WDFY3: variants seen among roughly 807,000 people sequenced by gnomAD.
The protein encoded by WDFY3 is WD repeat and FYVE domain containing 3.
WDFY3 carries 66 observed loss-of-function variants against 409.6 expected under a neutral mutation model. The ratio of observed to expected loss-of-function variants is 0.16; its 90% CI spans 0.13 to 0.20. WDFY3 has a LOEUF of 0.20. WDFY3 is among the 10% of genes least tolerant of loss of function. The probability of loss-of-function intolerance (pLI) is 1.00; values close to 1 mark genes in which losing one functional copy is unlikely to be tolerated. For missense variants in WDFY3, 3,031 were observed against 4,298.1 expected (o/e 0.71, Z 8.24); for synonymous variants, 1,521 against 1,537.1 (o/e 0.99, Z 0.25).
intron 36 of WDFY3, among the ~76,000 whole-genome samples, chr4:84,744,989 A>T (rs1167406428): frequency 1.3e-5 from 2 of 152,184 alleles, no homozygotes; most frequent in Non-Finnish European, 2.9e-5. Context: ...GACGGTGAAC[A>T]ACCCTATATA....
intron 27 of WDFY3, among the ~76,000 whole-genome samples, chr4:84,777,905 C>T (rs751705953): frequency 3.3e-5 from 5 of 152,064 alleles, no homozygotes; most frequent in Non-Finnish European, 7.4e-5. Flanking sequence ...TAAGTGATCA[C>T]GAGTTGCCTT....
At chr4:84,746,710 G>C (rs570778139) in intron 36 of WDFY3, among the ~76,000 whole-genome samples, 10 of 152,174 alleles carry the variant, frequency 6.6e-5, no homozygotes, top group South Asian at 2.1e-4. Context: ...TATTGTCTCG[G>C]AGGTGTTCTT....
At chr4:84,825,104 C>T (rs1754662864) in intron 10 of WDFY3, among the ~76,000 whole-genome samples, 1 of 152,062 alleles carries the variant, frequency 6.6e-6, no homozygotes, top group Admixed American at 6.6e-5. Context: ...ATTATTATCC[C>T]TGTTATGAAT....
rs61351182 is a variant in WDFY3, at chr4:84,880,674, C to CATATATATAT, written c.-32+16227_-32+16236dup. ...AGTGTTTGTCAATAAGGGAACCATA[C>CATATATATAT]ATATATATATATATATATATATATA... is the stretch of plus-strand genomic sequence containing the variant. On this transcript the variant is annotated intron_variant, in intron 3 of 67. Coordinates refer to ENST00000295888, the MANE Select transcript of WDFY3 (RefSeq NM_014991.6). 3.7e-3 allele frequency among the ~76,000 whole-genome samples: 184 copies of CATATATATAT among 50,320 alleles called. 1 individual carries two copies. Among genetic ancestry groups the CATATATATAT allele is most frequent in the Middle Eastern group, 0.013 (1 of 80 alleles). 33.0% of individuals were successfully genotyped at this position (50,320 alleles called of 152,430 possible).
At chr4:84,940,469 A>T (rs1336836146) in intron 1 of WDFY3, among the ~76,000 whole-genome samples, 1 of 152,128 alleles carries the variant, frequency 6.6e-6, no homozygotes, top group East Asian at 1.9e-4. Flanking sequence ...ATATTTTTTA[A>T]AAAAAGGTTT....
At chr4:84,805,145 A>G (rs1751305313) in intron 15 of WDFY3, among the ~76,000 whole-genome samples, 1 of 152,206 alleles carries the variant, frequency 6.6e-6, no homozygotes, top group South Asian at 2.1e-4. Flanking sequence ...GGCTACTTGT[A>G]TAAGATGTAT....
intron 32 of WDFY3, among the ~76,000 whole-genome samples, chr4:84,758,800 T>C (rs1338307828): frequency 6.6e-6 from 1 of 152,180 alleles, no homozygotes; most frequent in Non-Finnish European, 1.5e-5. Context: ...GAGGCAGAAA[T>C]TACTATTATC....
At chr4:84,947,830 G>A (rs555398024) in intron 1 of WDFY3, among the ~76,000 whole-genome samples, 209 of 151,840 alleles carry the variant, frequency 1.4e-3, no homozygotes, top group African/African-American at 4.7e-3. Flanking sequence ...AGGCTGTAGT[G>A]AGTCATAATC....
chr4:84,735,422 A>T (rs1737278823), intron 42 of WDFY3, among the ~76,000 whole-genome samples: 1 of 152,112 alleles, frequency 6.6e-6, no homozygotes, highest in African/African-American at 2.4e-5. Flanking sequence ...ACATCCAACG[A>T]TCTAGGGGTA....
chr4:84,914,963 G>C (rs1768281695), intron 2 of WDFY3, among the ~76,000 whole-genome samples: 1 of 151,908 alleles, frequency 6.6e-6, no homozygotes, highest in Admixed American at 6.6e-5. Context: ...AATAGAATGT[G>C]GTATACACAT....
At chr4:84,821,870 T>G (rs748802818) in intron 10 of WDFY3, among the ~76,000 whole-genome samples, 1 of 152,192 alleles carries the variant, frequency 6.6e-6, no homozygotes, top group African/African-American at 2.4e-5. Flanking sequence ...GTGGTAGTTT[T>G]ATTATCTATG....
At chr4:84,848,831 T>C (rs1243616209) in intron 5 of WDFY3, among the ~76,000 whole-genome samples, 2 of 152,214 alleles carry the variant, frequency 1.3e-5, no homozygotes, top group Admixed American at 1.3e-4. Context: ...CGTAGATATG[T>C]GTCTTCTTGT....
At chr4:84,934,327 G>A (rs1771141478) in intron 1 of WDFY3, among the ~76,000 whole-genome samples, 1 of 152,106 alleles carries the variant, frequency 6.6e-6, no homozygotes, top group Admixed American at 6.6e-5. Flanking sequence ...GTCTTCTTTT[G>A]AGAAATGTCT....
intron 51 of WDFY3, among the ~76,000 whole-genome samples, chr4:84,710,584 C>T (rs1732716175): frequency 6.6e-6 from 1 of 152,120 alleles, no homozygotes; most frequent in South Asian, 2.1e-4. Context: ...ATAGTCTTTC[C>T]ATCAGGCAAA....
chr4:84,727,601 C>G (rs1187862048), intron 44 of WDFY3, among the ~76,000 whole-genome samples: 1 of 152,144 alleles, frequency 6.6e-6, no homozygotes, highest in Non-Finnish European at 1.5e-5. Context: ...AATAAGAAGG[C>G]AATTCTGTTG....
At chr4:84,718,670 A>G (rs1734357348) in intron 47 of WDFY3, 100 bp from the exon 48 acceptor site, 1 of 1,375,600 alleles carries the variant, frequency 7.3e-7, no homozygotes, top group African/African-American at 1.4e-5. Context: ...ATATTAAATC[A>G]GAGTTTAAGC....
chr4:84,677,961 C>CAAAAAAAAAAAAA (rs986393073), intron 66 of WDFY3, among the ~76,000 whole-genome samples: 13 of 21,180 alleles, frequency 6.1e-4, no homozygotes, highest in African/African-American at 1.2e-3. Flanking sequence ...GACCCTGTCT[C>CAAAAAAAAAAAAA]AAAAAAAAAA....
intron 3 of WDFY3, among the ~76,000 whole-genome samples, chr4:84,867,793 G>T (rs973904802): frequency 6.6e-6 from 1 of 152,084 alleles, no homozygotes; most frequent in Admixed American, 6.5e-5. Flanking sequence ...TATAAGCGAA[G>T]AAACAAAACA....
intron 1 of WDFY3, among the ~76,000 whole-genome samples, chr4:84,960,494 G>A (rs1380345020): frequency 6.6e-6 from 1 of 152,162 alleles, no homozygotes; most frequent in African/African-American, 2.4e-5. Flanking sequence ...ACGAACAAAT[G>A]TATGAATCAA....
Sources: allele counts gnomAD v4.1 joint callset (sites outside exome capture counted in the v4.1 genomes callset), GRCh38; gene constraint gnomAD v4.1.1; transcripts MANE v1.5; gene names NCBI Gene and HGNC (gene_info 2026-07-23, HGNC 2026-07-21).